ZBTB14: variants seen among roughly 807,000 people sequenced by gnomAD.
ZBTB14 encodes zinc finger and BTB domain containing 14.
Under a neutral mutation model 29.5 loss-of-function variants are expected in ZBTB14, and 8 were observed. The ratio of observed to expected loss-of-function variants is 0.27; its 90% CI spans 0.16 to 0.49. The LOEUF is 0.49. Ranked by LOEUF, ZBTB14 falls within the 20% of genes least tolerant of loss-of-function variation. The pLI is 0.99. For synonymous variants in ZBTB14, 226 were observed against 207.2 expected (o/e 1.09, Z -0.78); for missense variants, 333 against 563.8 (o/e 0.59, Z 4.15).
Position 5,291,779 on chromosome 18 carries a change from C to G in ZBTB14, c.429G>C (p.Lys143Asn). ...TGGGGCGATTTATTTTAAGGCAATA[C>G]TTACTTTTGGACTGACCATTGTTTT... is the stretch of plus-strand genomic sequence containing the variant. ...PDENNGQSKSKYCLKINRPIG... is the reference protein window; with the variant it reads ...PDENNGQSKSNYCLKINRPIG... The change falls in exon 4 of 4, where the codon AAG becomes AAC. Residue 143 changes from lysine (K) to asparagine (N), a missense_variant. Around this residue, in one of 3 missense-constraint regions of ZBTB14, gnomAD observed 126 missense variants for 132.2 expected, o/e 0.95. Coordinates refer to ENST00000651870, the MANE Select transcript of ZBTB14 (RefSeq NM_001243702.2). This position sits in a 1 kb window ranked among gnomAD's most constrained non-coding sequence, Gnocchi z 5.8. 1 of 1,613,950 alleles carries G rather than the reference C, an allele frequency of 6.2e-7. No individual in the cohort carries two copies. The highest frequency in any genetic ancestry group is 8.5e-7 in the Non-Finnish European group (1 of 1,179,930).
intron 1 of ZBTB14, among the ~76,000 whole-genome samples, chr18:5,295,354 G>A (rs1412762688): frequency 2.1e-5 from 3 of 143,858 alleles, no homozygotes; most frequent in African/African-American, 7.5e-5. Flanking sequence ...GCGTGCGCTG[G>A]GTCCCGGCCC....
chr18:5,296,227 A>G (rs1356467986), upstream of ZBTB14: 5 of 149,380 alleles, frequency 3.3e-5, no homozygotes, highest in African/African-American at 7.4e-5. Flanking sequence ...TGGCCTGCGC[A>G]CGCGCGCGCA....
chr18:5,296,622 C>G (rs2071974606), upstream of ZBTB14, among the ~76,000 whole-genome samples: 1 of 152,078 alleles, frequency 6.6e-6, no homozygotes, highest in Non-Finnish European at 1.5e-5. Flanking sequence ...GCCGCCGGCA[C>G]ATTGAGTTTG....
At position 5,291,937 on chromosome 18, in the gene ZBTB14, T is replaced by C; in HGVS notation, c.271A>G (p.Asn91Asp). ...GAAATCTTTGCTGTGTACATGTAGT[T>C]CAGGACCTCTTCAAATATATCAGAA... Reference protein sequence around the residue: ...LRSDIFEEVLNYMYTAKISVK... With the variant: ...LRSDIFEEVLDYMYTAKISVK... The change falls in exon 4 of 4, where the codon AAC becomes GAC. Residue 91 changes from asparagine (N) to aspartate (D), a missense_variant. Around this residue, in one of 3 missense-constraint regions of ZBTB14, gnomAD observed 67 missense variants for 157.0 expected, o/e 0.43. Coordinates refer to ENST00000651870, the MANE Select transcript of ZBTB14 (RefSeq NM_001243702.2). The surrounding 1 kb of genome is among the most constrained non-coding windows in gnomAD (Gnocchi z 5.8). 1 of 1,614,222 alleles carries C rather than the reference T, an allele frequency of 6.2e-7. No homozygotes were observed. The highest frequency in any genetic ancestry group is 8.5e-7 in the Non-Finnish European group (1 of 1,180,054).
intron 3 of ZBTB14, 101 bp downstream of exon 3, chr18:5,293,143 G>A (rs981459683): frequency 4.8e-6 from 6 of 1,243,736 alleles, no homozygotes; most frequent in African/African-American, 3.0e-5. Context: ...TTTTCCCCCA[G>A]ACAAATAGAA....
At chr18:5,294,620 G>T (rs770091449) in intron 1 of ZBTB14, among the ~76,000 whole-genome samples, 1 of 152,082 alleles carries the variant, frequency 6.6e-6, no homozygotes, top group African/African-American at 2.4e-5. Flanking sequence ...CTCAGTTCAG[G>T]TGAGTCAAAA....
At chr18:5,293,468 G>A (rs553107137) in intron 2 of ZBTB14, 141 bp from the exon 3 acceptor site, 1 of 558,072 alleles carries the variant, frequency 1.8e-6, no homozygotes, top group South Asian at 2.4e-5. Context: ...CAGGTAGGTA[G>A]CTGGTACATC....
chr18:5,289,927 A>C lies in ZBTB14; in HGVS notation c.*931T>G, dbSNP rs932784850. ...TTGATGACATTCTGTAAAGTTACAC[A>C]AATGTATCTGAAGAAGTTATCTGTT... On this transcript the variant is annotated 3_prime_UTR_variant, in exon 4 of 4. Coordinates refer to ENST00000651870, the MANE Select transcript of ZBTB14 (RefSeq NM_001243702.2). 1.3e-5 allele frequency: 2 copies of C among 152,222 alleles called. No homozygotes were observed. The highest frequency in any genetic ancestry group is 2.9e-5 in the Non-Finnish European group (2 of 68,042). The allele number at this position is 152,222 out of a possible 1,614,324, so 9.4% of individuals were successfully genotyped here.
chr18:5,289,544 T>C lies in ZBTB14; in HGVS notation c.*1314A>G, dbSNP rs1325074453. 3 of 152,194 alleles carry C rather than the reference T, an allele frequency of 2.0e-5. No homozygotes were observed. The highest frequency in any genetic ancestry group is 7.2e-5 in the African/African-American group (3 of 41,456). The allele number at this position is 152,194 out of a possible 1,614,324, so 9.4% of individuals were successfully genotyped here. ...TGGCATTTCAATATATTCCTAAAGA[T>C]GGTTAAAAGAACATTTAGTATACCA... On this transcript the variant is annotated 3_prime_UTR_variant, in exon 4 of 4. Coordinates refer to ENST00000651870, the MANE Select transcript of ZBTB14 (RefSeq NM_001243702.2).
upstream of ZBTB14, chr18:5,296,164 G>C (rs1381070047): frequency 2.0e-5 from 3 of 151,380 alleles, no homozygotes; most frequent in Admixed American, 6.6e-5. Context: ...GGGTTAATCC[G>C]GGCCCTTGCC....
upstream of ZBTB14, chr18:5,296,329 G>C (rs907970318): frequency 2.0e-5 from 3 of 150,192 alleles, no homozygotes; most frequent in East Asian, 2.0e-4. Flanking sequence ...ACTTAAGCAC[G>C]AGCGCTGCTC....
chr18:5,296,179 C>T (rs1445922664), upstream of ZBTB14: 2 of 151,398 alleles, frequency 1.3e-5, no homozygotes, highest in East Asian at 4.0e-4. Context: ...CTTGCCGACG[C>T]TTTCGTTGGA....
At chr18:5,292,263 A>G (rs1402639902) in intron 3 of ZBTB14, 59 bp from the exon 4 acceptor site, 7 of 1,310,124 alleles carry the variant, frequency 5.3e-6, no homozygotes, top group Non-Finnish European at 7.1e-6. Context: ...TAGAGAACAC[A>G]GTCACATTTT....
At chr18:5,294,352 T>A (rs982139099) in intron 1 of ZBTB14, among the ~76,000 whole-genome samples, 1 of 152,218 alleles carries the variant, frequency 6.6e-6, no homozygotes, top group Non-Finnish European at 1.5e-5. Flanking sequence ...AACCTTACAC[T>A]GTGACACTTA....
upstream of ZBTB14, among the ~76,000 whole-genome samples, chr18:5,296,607 C>T (rs866452347): frequency 6.6e-6 from 1 of 152,050 alleles, no homozygotes; most frequent in African/African-American, 2.4e-5. Flanking sequence ...GCGGTCTTGC[C>T]TCTTGCCGCC....
rs1231820670 is a variant in ZBTB14 at position 5,289,084 on chromosome 18, C to A, written c.*1774G>T. On this transcript the variant is annotated 3_prime_UTR_variant, in exon 4 of 4. Coordinates refer to ENST00000651870, the MANE Select transcript of ZBTB14 (RefSeq NM_001243702.2). ...CCCAAAATATGGTTTGTTGAAGTAG[C>A]TATTGACAAGATGTTAAAATTATTT... 1 of 152,156 alleles carries A rather than the reference C, an allele frequency of 6.6e-6. No individual in the cohort carries two copies. Among genetic ancestry groups the A allele is most frequent in the Non-Finnish European group, 1.5e-5 (1 of 68,016 alleles). 9.4% of individuals were successfully genotyped at this position (152,156 alleles called of 1,614,324 possible).
In ZBTB14 at chr18:5,289,054, G is replaced by A. The variant is rs1406752181; in HGVS notation, c.*1804C>T. On this transcript the variant is annotated 3_prime_UTR_variant, in exon 4 of 4. Transcript: ENST00000651870. ...ATATTTTCTTTTATATACAAAAAATGAAGTCCCAAAATATGGTTTGTTGAA... is the reference window on the plus strand; with the variant it reads ...ATATTTTCTTTTATATACAAAAAATAAAGTCCCAAAATATGGTTTGTTGAA... 6.6e-6 allele frequency: 1 copy of A among 152,144 alleles called. No individual in the cohort carries two copies. Among genetic ancestry groups the A allele is most frequent in the Non-Finnish European group, 1.5e-5 (1 of 68,026 alleles). 9.4% of individuals were successfully genotyped at this position (152,144 alleles called of 1,614,324 possible). A position where few individuals can be genotyped will look rare whatever the true frequency, so the allele number is the denominator to read the frequency against.
chr18:5,292,492 G>A (rs73945238), intron 3 of ZBTB14, among the ~76,000 whole-genome samples: 20,977 of 152,180 alleles, frequency 0.14, 2,697 homozygotes, highest in East Asian at 0.71. Context: ...AACCTCATGA[G>A]TACGTATCAC....
At chr18:5,294,832 G>C (rs1390503398) in intron 1 of ZBTB14, 1 of 152,094 alleles carries the variant, frequency 6.6e-6, no homozygotes, top group Non-Finnish European at 1.5e-5. Flanking sequence ...CCCTGCCCCG[G>C]GCAGCCCGAC....
Sources: allele counts gnomAD v4.1 joint callset (sites outside exome capture counted in the v4.1 genomes callset), GRCh38; gene constraint gnomAD v4.1.1; regional missense constraint gnomAD v4.1.1; non-coding constraint Gnocchi (gnomAD v3.1); transcripts MANE v1.5; gene names NCBI Gene and HGNC (gene_info 2026-07-23, HGNC 2026-07-21).